Variants in MYO9A observed in about 807,000 individuals in gnomAD.
MYO9A encodes myosin IXA, also known as unconventional myosin-IXa.
A neutral mutation model predicts 293.3 loss-of-function variants in MYO9A; 103 were observed. That is an observed-to-expected ratio of 0.35 (90% confidence interval 0.30 to 0.41). The LOEUF (loss-of-function observed/expected upper bound fraction) is 0.41. MYO9A is among the 10% of genes least tolerant of loss of function. The pLI is 1.00. For synonymous variants in MYO9A, 1,001 were observed against 1,035.7 expected (o/e 0.97, Z 0.64); for missense variants, 2,685 against 3,033.0 (o/e 0.89, Z 2.69).
intron 21 of MYO9A, among the ~76,000 whole-genome samples, chr15:71,903,493 T>C (rs960469327): frequency 6.6e-6 from 1 of 152,204 alleles, no homozygotes; most frequent in Non-Finnish European, 1.5e-5. Flanking sequence ...ATAGTTTCCA[T>C]ACCCATAGCA....
At chr15:71,993,113 G>A (rs1289933309) in intron 10 of MYO9A, among the ~76,000 whole-genome samples, 4 of 152,124 alleles carry the variant, frequency 2.6e-5, no homozygotes, top group Admixed American at 2.6e-4. Context: ...CACTTTGGGA[G>A]GCCAAGAAGG....
chr15:71,918,270 C>A (rs2058064711), intron 18 of MYO9A, among the ~76,000 whole-genome samples: 1 of 152,000 alleles, frequency 6.6e-6, no homozygotes, highest in African/African-American at 2.4e-5. Flanking sequence ...ACTTTCCTGA[C>A]AAGAAATTTC....
chr15:72,106,141 G>A (rs1407566569), intron 1 of MYO9A, among the ~76,000 whole-genome samples: 6 of 152,044 alleles, frequency 3.9e-5, no homozygotes, highest in South Asian at 2.1e-4. Context: ...AAATGGTTAC[G>A]TATAGAGGAG....
intron 10 of MYO9A, 113 bp from the exon 11 acceptor site, chr15:71,991,350 A>T: frequency 1.3e-6 from 1 of 755,930 alleles, no homozygotes; most frequent in Non-Finnish European, 2.0e-6. Context: ...TGTACAGGGG[A>T]TTGTGTTTGG....
At chr15:72,017,488 G>A (rs1265303104) in intron 6 of MYO9A, among the ~76,000 whole-genome samples, 1 of 152,080 alleles carries the variant, frequency 6.6e-6, no homozygotes, top group Non-Finnish European at 1.5e-5. Flanking sequence ...AAAGGAAAAG[G>A]GGGAGCTTCT....
Position 72,117,625 on chromosome 15 carries a change from T to A in MYO9A, c.-72+55A>T, listed in dbSNP as rs1596630636. 12 of 394,512 alleles carry A rather than the reference T, an allele frequency of 3.0e-5. No homozygotes were observed. The East Asian group carries it at 4.3e-4, about 14-fold the overall frequency. The allele number at this position is 394,512 out of a possible 1,614,324, so 24.4% of individuals were successfully genotyped here. On this transcript the variant is annotated intron_variant, in intron 1 of 41. Coordinates refer to ENST00000356056, the MANE Select transcript of MYO9A (RefSeq NM_006901.4). ...CCCGACCGGAGCCAAATAGCGAGGC[T>A]GAGACGTGGGCCAGGACGGGCTGCA...
rs1341385992 is a variant in MYO9A, at chr15:71,898,136, G to A, written c.4367C>T (p.Thr1456Ile). 6.2e-7 allele frequency: 1 copy of A among 1,614,102 alleles called. No homozygotes were observed. Among genetic ancestry groups the A allele is most frequent in the East Asian group, 2.2e-5 (1 of 44,876 alleles). The change falls in exon 25 of 42, where the codon ACT becomes ATT. Residue 1456 changes from threonine (T) to isoleucine (I), a missense_variant. Thr to Ile is a moderately conservative substitution (Grantham distance 89). This residue lies in a region of MYO9A where 1,434 missense variants were observed against 1,497.7 expected (regional missense o/e 0.96). Transcript: ENST00000356056. ...ENEDTAGEAL[T>I]LDINRETRRY... ...TCTAGTTTCCCTGTTGATATCCAAA[G>A]TAAGAGCTTCCCCCGCTGTGTCTTC...
chr15:72,103,848 T>C (rs943921398), intron 1 of MYO9A, among the ~76,000 whole-genome samples: 6 of 152,208 alleles, frequency 3.9e-5, no homozygotes, highest in African/African-American at 1.4e-4. Context: ...GTCAGGATAA[T>C]AACTACCTCC....
Position 71,826,522 on chromosome 15 carries a change from C to G in MYO9A, c.*58G>C. The G allele has an allele frequency of 6.7e-7, 1 of 1,484,644 alleles. No homozygotes were observed. The highest frequency in any genetic ancestry group is 9.0e-7 in the Non-Finnish European group (1 of 1,104,988). The allele number at this position is 1,484,644 out of a possible 1,614,324, so 92.0% of individuals were successfully genotyped here. On this transcript the variant is annotated 3_prime_UTR_variant, in exon 42 of 42. Coordinates refer to ENST00000356056, the MANE Select transcript of MYO9A (RefSeq NM_006901.4). Reference sequence around the variant, plus strand: ...TGTGGACGAGGTGATGAAACGCAGCCCCAAAGGTGAGATTTGTTTACCACT... The same window carrying G: ...TGTGGACGAGGTGATGAAACGCAGCGCCAAAGGTGAGATTTGTTTACCACT...
intron 1 of MYO9A, among the ~76,000 whole-genome samples, chr15:72,081,319 T>C (rs2079537916): frequency 6.6e-6 from 1 of 152,228 alleles, no homozygotes; most frequent in South Asian, 2.1e-4. Flanking sequence ...TTATCAGTGA[T>C]GTTGAGTGTT....
chr15:72,074,226 A>G (rs547394323), intron 1 of MYO9A, among the ~76,000 whole-genome samples: 42 of 152,318 alleles, frequency 2.8e-4, no homozygotes, highest in African/African-American at 8.9e-4. Context: ...AAATTTGTTC[A>G]TGCTATTAAA....
At chr15:72,076,382 A>T (rs562976090) in intron 1 of MYO9A, among the ~76,000 whole-genome samples, 1 of 152,236 alleles carries the variant, frequency 6.6e-6, no homozygotes, top group Admixed American at 6.5e-5. Flanking sequence ...TAGACAAACT[A>T]GTAAAACTAA....
At chr15:72,077,314 C>A (rs1198047192) in intron 1 of MYO9A, among the ~76,000 whole-genome samples, 2 of 152,036 alleles carry the variant, frequency 1.3e-5, no homozygotes, top group Admixed American at 1.3e-4. Flanking sequence ...CAAAAGGCAC[C>A]GTTAAGAGAA....
At chr15:72,028,509 T>C (rs1288814215) in intron 3 of MYO9A, among the ~76,000 whole-genome samples, 3 of 151,250 alleles carry the variant, frequency 2.0e-5, no homozygotes, top group Non-Finnish European at 2.9e-5. Context: ...CAGCCAGGCA[T>C]GGTGGTGCAC....
chr15:71,974,544 C>T lies in MYO9A; in HGVS notation c.1844+3627G>A, dbSNP rs1459893764. ...AAAAAGAAAAAACTTTTTTTCTCTC[C>T]GCTACCAGATGCAGTGGTCCTAGGA... On this transcript the variant is annotated intron_variant, in intron 12 of 41. Coordinates refer to ENST00000356056, the MANE Select transcript of MYO9A (RefSeq NM_006901.4). Among the ~76,000 whole-genome samples the T allele has an allele frequency of 3.9e-5, 6 of 152,220 alleles. No homozygotes were observed. The East Asian group carries it at 5.8e-4, about 15-fold the overall frequency.
intron 33 of MYO9A, among the ~76,000 whole-genome samples, chr15:71,860,797 T>C (rs2056084665): frequency 6.6e-6 from 1 of 151,606 alleles, no homozygotes; most frequent in Non-Finnish European, 1.5e-5. Context: ...TAAAACCCTG[T>C]CTCTACTAAA....
intron 35 of MYO9A, 58 bp downstream of exon 35, chr15:71,854,319 A>C: frequency 7.7e-7 from 1 of 1,292,666 alleles, no homozygotes. Context: ...CTTTAAGAGC[A>C]TGAAAGGAAC....
chr15:72,045,980 T>C lies in MYO9A; in HGVS notation c.584A>G (p.Tyr195Cys). 6.2e-7 allele frequency: 1 copy of C among 1,614,186 alleles called. No individual in the cohort carries two copies. Among genetic ancestry groups the C allele is most frequent in the Non-Finnish European group, 8.5e-7 (1 of 1,180,020 alleles). ...ATACATTTTGACATATTTGGGGTTA[T>C]AAATAGGAAGAAACTTGAATGGGTT... Reference protein sequence around the residue: ...VINPFKFLPIYNPKYVKMYDN... With the variant: ...VINPFKFLPICNPKYVKMYDN... The change falls in exon 2 of 42, where the codon TAT (tyrosine) becomes TGT (cysteine). Residue 195 changes from tyrosine to cysteine, a missense_variant. Physicochemically the swap from Tyr to Cys is radical, Grantham distance 194. Transcript: ENST00000356056.
chr15:71,844,982 A>ATAAT (rs2055321851), intron 39 of MYO9A, among the ~76,000 whole-genome samples: 1 of 152,216 alleles, frequency 6.6e-6, no homozygotes, highest in South Asian at 2.1e-4. Context: ...TCTAGACAGA[A>ATAAT]TAATAATATA....
Sources: allele counts gnomAD v4.1 joint callset (sites outside exome capture counted in the v4.1 genomes callset), GRCh38; gene constraint gnomAD v4.1.1; regional missense constraint gnomAD v4.1.1; transcripts MANE v1.5; gene names NCBI Gene and HGNC (gene_info 2026-07-23, HGNC 2026-07-21).